Variants in ADCY1 observed in about 807,000 individuals in gnomAD.
The protein encoded by ADCY1 is adenylate cyclase 1.
ADCY1 carries 28 observed loss-of-function variants against 105.4 expected under a neutral mutation model. The ratio of observed to expected loss-of-function variants is 0.27; its 90% CI spans 0.20 to 0.36. ADCY1 has a LOEUF of 0.36. Among genes scored for constraint, ADCY1 ranks in the 10% least tolerant of loss-of-function variants. The pLI, the probability that ADCY1 is intolerant of heterozygous loss-of-function variation, is 1.00. For synonymous variants in ADCY1, 655 were observed against 623.8 expected (o/e 1.05, Z -0.75); for missense variants, 977 against 1,434.2 (o/e 0.68, Z 5.15).
At chr7:45,671,186 A>G (rs773677727) in intron 8 of ADCY1, among the ~76,000 whole-genome samples, 4 of 152,212 alleles carry the variant, frequency 2.6e-5, no homozygotes, top group Non-Finnish European at 4.4e-5. Context: ...GGTATCATAC[A>G]GTATGTGATC....
At chr7:45,630,162 T>G (rs897849886) in intron 4 of ADCY1, among the ~76,000 whole-genome samples, 2 of 152,232 alleles carry the variant, frequency 1.3e-5, no homozygotes, top group Admixed American at 6.5e-5. Flanking sequence ...CTTTGTATGT[T>G]CTACATATAA....
chr7:45,590,603 CT>C (rs542677418), intron 1 of ADCY1, among the ~76,000 whole-genome samples: 1 of 152,304 alleles, frequency 6.6e-6, no homozygotes, highest in African/African-American at 2.4e-5. Context: ...AAAGCCGGAT[CT>C]GAGTGGTATC....
Position 45,574,764 on chromosome 7 carries a change from C to T in ADCY1, c.221C>T (p.Ala74Val). The T allele has an allele frequency of 1.4e-6, 2 of 1,449,008 alleles. No homozygotes were observed. Among genetic ancestry groups the T allele is most frequent in the Non-Finnish European group, 9.0e-7 (1 of 1,110,350 alleles). 89.8% of individuals were successfully genotyped at this position (1,449,008 alleles called of 1,614,324 possible). A position where few individuals can be genotyped will look rare whatever the true frequency, so the allele number is the denominator to read the frequency against. ...ALAVLSLLAG[A>V]LALAELLGAP... ...GCCGTTCTCAGCCTGCTGGCGGGCG[C>T]GCTGGCGCTGGCCGAGCTGCTGGGC... Residue 74 changes from alanine to valine, a missense_variant, in exon 1 of 20, where the codon GCG becomes GTG. By Grantham distance (64) the Ala-to-Val change is moderately conservative. Transcript: ENST00000297323. This position sits in a 1 kb window ranked among gnomAD's most constrained non-coding sequence, Gnocchi z 7.0.
chr7:45,648,896 A>G, intron 5 of ADCY1, 99 bp downstream of exon 5: 1 of 1,464,308 alleles, frequency 6.8e-7, no homozygotes, highest in South Asian at 1.3e-5. Flanking sequence ...CTCCCCTCTC[A>G]GGGTCTCGCT....
At chr7:45,621,756 G>T (rs1471642736) in intron 3 of ADCY1, among the ~76,000 whole-genome samples, 1 of 152,102 alleles carries the variant, frequency 6.6e-6, no homozygotes, top group Non-Finnish European at 1.5e-5. Flanking sequence ...TGGTGCTGGG[G>T]GCGTTCTGGG....
intron 7 of ADCY1, among the ~76,000 whole-genome samples, 191 bp from the exon 8 acceptor site, chr7:45,661,868 C>T (rs1193931857): frequency 1.3e-5 from 2 of 152,150 alleles, no homozygotes; most frequent in East Asian, 3.9e-4. Context: ...TTGGACGTGG[C>T]CCTCCCAATA....
intron 4 of ADCY1, among the ~76,000 whole-genome samples, chr7:45,630,388 A>G (rs1354147655): frequency 6.6e-6 from 1 of 152,232 alleles, no homozygotes; most frequent in Non-Finnish European, 1.5e-5. Context: ...AGTACCACAA[A>G]CTTGGTGGCT....
intron 4 of ADCY1, among the ~76,000 whole-genome samples, chr7:45,644,105 G>T (rs1319654635): frequency 6.6e-6 from 1 of 152,226 alleles, no homozygotes; most frequent in East Asian, 1.9e-4. Flanking sequence ...TTTGGATGCA[G>T]TCACTTTCGG....
intron 11 of ADCY1, 73 bp from the exon 12 acceptor site, chr7:45,684,905 AG>A: frequency 3.0e-6 from 4 of 1,327,788 alleles, no homozygotes; most frequent in Admixed American, 1.7e-5. Flanking sequence ...ATTCCACTAT[AG>A]GAAGTATTAA....
chr7:45,637,966 CT>C (rs1163664131), intron 4 of ADCY1, among the ~76,000 whole-genome samples: 1 of 152,158 alleles, frequency 6.6e-6, no homozygotes, highest in African/African-American at 2.4e-5. Context: ...CATCAACTGT[CT>C]TTCTTTGTTT....
Position 45,710,231 on chromosome 7 carries a change from G to A in ADCY1, c.2933-297G>A, listed in dbSNP as rs953884841. Among the ~76,000 whole-genome samples, 10 of 152,188 alleles carry A rather than the reference G, an allele frequency of 6.6e-5. No individual in the cohort carries two copies. The highest frequency in any genetic ancestry group is 1.3e-4 in the Non-Finnish European group (9 of 68,036). ...CACAGAGGCTGCTATTCCAGGAAAG[G>A]GGACTTTTATTTAGGATCAGGACTC... On this transcript the variant is annotated intron_variant, in intron 18 of 19. Transcript: ENST00000297323. The surrounding 1 kb of genome is among the most constrained non-coding windows in gnomAD (Gnocchi z 4.7).
At position 45,591,551 on chromosome 7, in the gene ADCY1, C is replaced by T. The variant is rs567537814; in HGVS notation, c.640-1208C>T. 5.3e-5 allele frequency among the ~76,000 whole-genome samples: 8 copies of T among 152,362 alleles called. No individual in the cohort carries two copies. In the East Asian group the frequency reaches 1.5e-3, roughly 29 times the overall value. ...CTGCAGGTTTCTGCTCCCTGGGAGACAGGTAGAAATGCCTGGGCTTAATCA... is the reference window on the plus strand; with the variant it reads ...CTGCAGGTTTCTGCTCCCTGGGAGATAGGTAGAAATGCCTGGGCTTAATCA... On this transcript the variant is annotated intron_variant, in intron 1 of 19. Coordinates refer to ENST00000297323, the MANE Select transcript of ADCY1 (RefSeq NM_021116.4). The surrounding 1 kb of genome is among the most constrained non-coding windows in gnomAD (Gnocchi z 4.1).
chr7:45,695,339 C>A (rs1784860954), intron 14 of ADCY1, among the ~76,000 whole-genome samples: 2 of 152,196 alleles, frequency 1.3e-5, no homozygotes, highest in Non-Finnish European at 1.5e-5. Context: ...CAAAACTGGT[C>A]ATTATCCCCA....
At chr7:45,632,735 T>A (rs574304080) in intron 4 of ADCY1, among the ~76,000 whole-genome samples, 15 of 151,674 alleles carry the variant, frequency 9.9e-5, no homozygotes, top group African/African-American at 3.4e-4. Flanking sequence ...AGCTAATTTT[T>A]AAATTTTTTT....
intron 19 of ADCY1, among the ~76,000 whole-genome samples, chr7:45,711,993 T>A (rs1294552672): frequency 5.1e-4 from 55 of 108,636 alleles, no homozygotes; most frequent in Admixed American, 8.7e-4. Flanking sequence ...ATATATATTT[T>A]ATATATTATA....
Position 45,643,749 on chromosome 7 carries a change from C to T in ADCY1, c.1021-4921C>T, listed in dbSNP as rs549991796. ...TCCCTTGCTCACTGTTCCTCCCGTG[C>T]GTGTAGTTAGATGTTTGTGCTGGGT... On this transcript the variant is annotated intron_variant, in intron 4 of 19. Transcript: ENST00000297323. 5.8e-4 allele frequency among the ~76,000 whole-genome samples: 88 copies of T among 152,244 alleles called. 1 individual carries two copies. Among genetic ancestry groups the T allele is most frequent in the African/African-American group, 2.0e-3 (84 of 41,554 alleles).
At chr7:45,668,916 G>A (rs1430404532) in intron 8 of ADCY1, among the ~76,000 whole-genome samples, 3 of 152,126 alleles carry the variant, frequency 2.0e-5, no homozygotes, top group East Asian at 1.9e-4. Context: ...GTTTATTTGC[G>A]TAGAAGTGTT....
At chr7:45,597,390 A>T (rs148346151) in intron 2 of ADCY1, among the ~76,000 whole-genome samples, 9 of 152,264 alleles carry the variant, frequency 5.9e-5, no homozygotes, top group African/African-American at 2.2e-4. Context: ...TTGATAAGTT[A>T]TGTTTTGACA....
intron 12 of ADCY1, among the ~76,000 whole-genome samples, chr7:45,685,711 G>T (rs1297861575): frequency 6.6e-6 from 1 of 152,200 alleles, no homozygotes; most frequent in African/African-American, 2.4e-5. Flanking sequence ...GGTTGGAGCC[G>T]CTGGGCTGGG....
Sources: gnomAD v4.1 joint callset for allele counts (sites outside exome capture counted in the v4.1 genomes callset) on GRCh38, gnomAD v4.1.1 for gene constraint, Gnocchi (gnomAD v3.1) non-coding constraint, MANE v1.5 for transcripts, NCBI Gene and HGNC (gene_info 2026-07-23, HGNC 2026-07-21) for gene names.